Variants in UBE2D1 observed in about 807,000 individuals in gnomAD.
UBE2D1 encodes the protein ubiquitin conjugating enzyme E2 D1, also known as ubiquitin-conjugating enzyme E2 D1.
In UBE2D1, 9 loss-of-function variants were observed where a neutral mutation model predicts 24.6. The ratio of observed to expected loss-of-function variants is 0.37; its 90% CI spans 0.22 to 0.64. The LOEUF (loss-of-function observed/expected upper bound fraction) is 0.64. Ranked by LOEUF, UBE2D1 falls within the 30% of genes least tolerant of loss-of-function variation. UBE2D1 has a pLI of 0.64. For synonymous variants in UBE2D1, 57 were observed against 57.6 expected, an observed-to-expected ratio of 0.99 and a Z score of 0.04; for missense variants, 87 against 177.1, an observed-to-expected ratio of 0.49 and a Z score of 2.89.
At chr10:58,362,619 A>G (rs1840212527) in intron 3 of UBE2D1, among the ~76,000 whole-genome samples, 1 of 152,158 alleles carries the variant, frequency 6.6e-6, no homozygotes, top group African/African-American at 2.4e-5. Flanking sequence ...CATGTTATTC[A>G]TAACTCCCTT....
At chr10:58,335,476 C>T (rs1472892968) in intron 1 of UBE2D1, among the ~76,000 whole-genome samples, 2 of 152,240 alleles carry the variant, frequency 1.3e-5, no homozygotes, top group Non-Finnish European at 2.9e-5. Context: ...GAGCCGCTCC[C>T]GGAGCCCCAG....
In UBE2D1 at chr10:58,369,044, A is replaced by G. The variant is rs1028975228; in HGVS notation, c.*279A>G. On this transcript the variant is annotated 3_prime_UTR_variant, in exon 7 of 7. Coordinates refer to ENST00000373910, the MANE Select transcript of UBE2D1 (RefSeq NM_003338.5). ...GCATCTTCAGCTTACAAGATCTACA[A>G]TGCAGCTGAAAAGCAACCAAATTAT... The G allele has an allele frequency of 8.7e-6, 2 of 229,384 alleles. No homozygotes were observed. Among genetic ancestry groups the G allele is most frequent in the South Asian group, 1.7e-4 (1 of 5,868 alleles). The allele number at this position is 229,384 out of a possible 1,614,324, so 14.2% of individuals were successfully genotyped here.
chr10:58,365,422 TAAA>T (rs1175904442), intron 5 of UBE2D1, among the ~76,000 whole-genome samples: 2 of 152,210 alleles, frequency 1.3e-5, no homozygotes, highest in Non-Finnish European at 2.9e-5. Flanking sequence ...CATCCAAGAA[TAAA>T]ATACCAGATT....
intron 1 of UBE2D1, among the ~76,000 whole-genome samples, chr10:58,350,139 T>C (rs1346088571): frequency 1.3e-5 from 2 of 152,202 alleles, no homozygotes; most frequent in South Asian, 4.1e-4. Flanking sequence ...ATATTCACTT[T>C]TCTGTTGGGT....
intron 1 of UBE2D1, among the ~76,000 whole-genome samples, chr10:58,345,756 T>C (rs1840008752): frequency 6.6e-6 from 1 of 152,124 alleles, no homozygotes; most frequent in African/African-American, 2.4e-5. Context: ...TGATATAGGT[T>C]GGGAAGACTG....
At chr10:58,338,690 AAC>A (rs1422722251) in intron 1 of UBE2D1, among the ~76,000 whole-genome samples, 1 of 152,232 alleles carries the variant, frequency 6.6e-6, no homozygotes, top group African/African-American at 2.4e-5. Context: ...GAAATCCTAA[AAC>A]AGTCATTGTC....
At chr10:58,350,297 T>G (rs1011958201) in intron 1 of UBE2D1, among the ~76,000 whole-genome samples, 1 of 152,204 alleles carries the variant, frequency 6.6e-6, no homozygotes, top group South Asian at 2.1e-4. Flanking sequence ...CTATTTCATT[T>G]AAATCATTGT....
intron 4 of UBE2D1, among the ~76,000 whole-genome samples, chr10:58,364,008 C>T (rs1398327580): frequency 6.6e-6 from 1 of 151,312 alleles, no homozygotes; most frequent in African/African-American, 2.4e-5. Context: ...ATTATCCTTA[C>T]AAAGTTGATC....
intron 1 of UBE2D1, among the ~76,000 whole-genome samples, chr10:58,343,502 T>C (rs189981864): frequency 1.7e-3 from 261 of 152,258 alleles, no homozygotes; most frequent in Admixed American, 5.0e-3. Flanking sequence ...GTAAAATTAA[T>C]GTTAAAAATA....
Position 58,363,691 on chromosome 10 carries a change from T to G in UBE2D1, c.198+5T>G, listed in dbSNP as rs757013162. 1.3e-6 allele frequency: 2 copies of G among 1,593,212 alleles called. No homozygotes were observed. Among genetic ancestry groups the G allele is most frequent in the Non-Finnish European group, 1.7e-6 (2 of 1,165,662 alleles). On this transcript the variant is annotated splice_donor_5th_base_variant and intron_variant, in intron 4 of 6. Coordinates refer to ENST00000373910, the MANE Select transcript of UBE2D1 (RefSeq NM_003338.5). Reference sequence around the variant, plus strand: ...TATCCTTTTAAACCACCAAAGGTATTTTTATTTTTATGATTGATGTGACTC... The same window carrying G: ...TATCCTTTTAAACCACCAAAGGTATGTTTATTTTTATGATTGATGTGACTC...
At chr10:58,340,321 T>C (rs1299703691) in intron 1 of UBE2D1, among the ~76,000 whole-genome samples, 1 of 152,210 alleles carries the variant, frequency 6.6e-6, no homozygotes, top group Non-Finnish European at 1.5e-5. Flanking sequence ...CTACTTGCCT[T>C]ATTCTGTCTT....
intron 1 of UBE2D1, among the ~76,000 whole-genome samples, chr10:58,354,523 T>G (rs1242878012): frequency 2.0e-5 from 3 of 152,314 alleles, no homozygotes; most frequent in East Asian, 3.9e-4. Context: ...GTGGGTTATT[T>G]GTATTATCAT....
Position 58,335,181 on chromosome 10 carries a change from C to G in UBE2D1, c.-21C>G. ...GCAGCCGACCCCTGCCGGCCGGTGT[C>G]CCCACCGCCATCCCTGACCCATGGC... On this transcript the variant is annotated 5_prime_UTR_variant, in exon 1 of 7. Transcript: ENST00000373910. 6.5e-7 allele frequency: 1 copy of G among 1,545,778 alleles called. No individual in the cohort carries two copies. The highest frequency in any genetic ancestry group is 2.5e-5 in the East Asian group (1 of 40,090).
At chr10:58,365,362 T>G (rs1480380628) in intron 5 of UBE2D1, among the ~76,000 whole-genome samples, 1 of 152,216 alleles carries the variant, frequency 6.6e-6, no homozygotes, top group East Asian at 1.9e-4. Flanking sequence ...GTTGTCCCAT[T>G]CATTAAATGG....
chr10:58,339,952 G>A (rs1293975266), intron 1 of UBE2D1, among the ~76,000 whole-genome samples: 2 of 152,096 alleles, frequency 1.3e-5, no homozygotes, highest in Admixed American at 6.6e-5. Flanking sequence ...CATTCACTGA[G>A]ATTACTGAAC....
chr10:58,360,921 C>CAAAA, intron 1 of UBE2D1: 2 of 392,516 alleles, frequency 5.1e-6, no homozygotes, highest in South Asian at 1.8e-5. Flanking sequence ...GATCCTGTCT[C>CAAAA]AAAAAAAAAA....
At chr10:58,336,680 A>G (rs147633665) in intron 1 of UBE2D1, among the ~76,000 whole-genome samples, 1 of 152,340 alleles carries the variant, frequency 6.6e-6, no homozygotes, top group African/African-American at 2.4e-5. Flanking sequence ...CATCTTTACC[A>G]TACCTTGCAT....
chr10:58,346,153 G>A (rs893273542), intron 1 of UBE2D1, among the ~76,000 whole-genome samples: 1 of 151,958 alleles, frequency 6.6e-6, no homozygotes, highest in African/African-American at 2.4e-5. Flanking sequence ...TGGGACTACA[G>A]GCGTGCACCA....
intron 1 of UBE2D1, among the ~76,000 whole-genome samples, chr10:58,344,512 T>A (rs1839995279): frequency 6.6e-6 from 1 of 152,184 alleles, no homozygotes. Flanking sequence ...GCTGTTTTTT[T>A]TTTTGCAGCA....
Sources: gnomAD v4.1 joint callset for allele counts (sites outside exome capture counted in the v4.1 genomes callset) on GRCh38, gnomAD v4.1.1 for gene constraint, MANE v1.5 for transcripts, NCBI Gene and HGNC (gene_info 2026-07-23, HGNC 2026-07-21) for gene names.